FGF12: variants seen among roughly 807,000 people sequenced by gnomAD.
FGF12 encodes the protein fibroblast growth factor 12B.
FGF12 carries 14 observed loss-of-function variants against 23.6 expected under a neutral mutation model. That is an observed-to-expected ratio of 0.59 (90% CI 0.39 to 0.93). The LOEUF is 0.93. FGF12 is among the 40% of genes least tolerant of loss of function. The probability of loss-of-function intolerance (pLI) is 0.00; values close to 1 mark genes in which losing one functional copy is unlikely to be tolerated. For synonymous variants in FGF12, 62 were observed against 77.3 expected (o/e 0.80, Z 1.04); for missense variants, 175 against 217.8 (o/e 0.80, Z 1.24).
intron 2 of FGF12, among the ~76,000 whole-genome samples, chr3:192,435,448 C>T (rs1721987244): frequency 6.6e-6 from 1 of 152,186 alleles, no homozygotes; most frequent in Admixed American, 6.5e-5. Context: ...GGACTGCTCA[C>T]TGTGATAATC....
intron 2 of FGF12, among the ~76,000 whole-genome samples, chr3:192,678,671 G>A (rs560549847): frequency 7.9e-5 from 12 of 152,182 alleles, no homozygotes; most frequent in South Asian, 6.2e-4. Context: ...CAATTTCCCC[G>A]AAGCCCACCA....
At chr3:192,300,399 T>C (rs1417819637) in intron 4 of FGF12, among the ~76,000 whole-genome samples, 2 of 152,184 alleles carry the variant, frequency 1.3e-5, no homozygotes, top group Non-Finnish European at 2.9e-5. Context: ...AGATGGGACC[T>C]AATAGTTTAC....
intron 2 of FGF12, among the ~76,000 whole-genome samples, chr3:192,376,843 T>G (rs1275242253): frequency 6.6e-6 from 1 of 152,206 alleles, no homozygotes; most frequent in Non-Finnish European, 1.5e-5. Flanking sequence ...GCTTTACTCT[T>G]CTTTTTGATG....
intron 2 of FGF12, among the ~76,000 whole-genome samples, chr3:192,582,842 C>T (rs986566088): frequency 1.3e-5 from 2 of 152,164 alleles, no homozygotes; most frequent in African/African-American, 4.8e-5. Flanking sequence ...GAGCTCTCGG[C>T]AGGTACTCCC....
Position 192,408,822 on chromosome 3 carries a change from AATT to A in FGF12, c.14-48287_14-48285del. On this transcript the variant is annotated intron_variant, in intron 2 of 5. Transcript: ENST00000445105. The surrounding 1 kb of genome is among the most constrained non-coding windows in gnomAD (Gnocchi z 7.3). ...CACGAGAGAAGGAGAGGAAGGCAGC[AATT>A]TAACTCCCTGCGGCCCGCGGTTCTG... The A allele has an allele frequency of 2.0e-6, 2 of 985,624 alleles. No homozygotes were observed. Among genetic ancestry groups the A allele is most frequent in the Non-Finnish European group, 2.4e-6 (2 of 830,098 alleles). 61.1% of individuals were successfully genotyped at this position (985,624 alleles called of 1,614,324 possible).
rs1274308078 is a variant in FGF12 at position 192,319,505 on chromosome 3, G to A, written c.228+15856C>T. Among the ~76,000 whole-genome samples the A allele has an allele frequency of 3.9e-5, 6 of 152,092 alleles. No individual in the cohort carries two copies. The East Asian group carries it at 9.6e-4, about 24-fold the overall frequency. ...CCAGCTACTCAGGAGACTGAGGCAC[G>A]AGAAGAACTTGAACCTGGGAGGCGG... On this transcript the variant is annotated intron_variant, in intron 4 of 5. Transcript: ENST00000445105.
intron 4 of FGF12, among the ~76,000 whole-genome samples, chr3:192,330,151 G>A (rs75420054): frequency 2.6e-4 from 40 of 151,910 alleles, no homozygotes; most frequent in East Asian, 7.7e-4. Flanking sequence ...CCATACTACC[G>A]GAGACAATCT....
At chr3:192,396,719 G>A (rs962087314) in intron 2 of FGF12, among the ~76,000 whole-genome samples, 9 of 152,222 alleles carry the variant, frequency 5.9e-5, no homozygotes, top group East Asian at 1.9e-4. Context: ...GGCCTGGGAC[G>A]AAAGTCTTAA....
intron 2 of FGF12, among the ~76,000 whole-genome samples, chr3:192,627,851 CAT>C (rs1491324180): frequency 8.1e-6 from 1 of 123,356 alleles, no homozygotes; most frequent in African/African-American, 2.7e-5. Context: ...TGTGTGTGTG[CAT>C]GTGTGTGTGT....
At chr3:192,551,857 C>A (rs796676) in intron 2 of FGF12, among the ~76,000 whole-genome samples, 67,651 of 151,768 alleles carry the variant, frequency 0.45, 15,214 homozygotes, top group East Asian at 0.57. Context: ...AAAAATGTGA[C>A]CCATAGTCAA....
At chr3:192,651,794 G>A (rs1027941313) in intron 2 of FGF12, among the ~76,000 whole-genome samples, 2 of 152,156 alleles carry the variant, frequency 1.3e-5, no homozygotes, top group Non-Finnish European at 2.9e-5. Flanking sequence ...ACCGCTGAGA[G>A]TTAGGACCCT....
At chr3:192,310,476 C>T (rs1715875908) in intron 4 of FGF12, among the ~76,000 whole-genome samples, 1 of 152,028 alleles carries the variant, frequency 6.6e-6, no homozygotes, top group African/African-American at 2.4e-5. Flanking sequence ...TTGCAATTTG[C>T]AAATACTTAT....
rs75545541 is a variant in FGF12 at position 192,597,703 on chromosome 3, C to A, written c.13+129478G>T. Among the ~76,000 whole-genome samples, 973 of 152,338 alleles carry A rather than the reference C, an allele frequency of 6.4e-3. 13 individuals are homozygous for A. Among genetic ancestry groups the A allele is most frequent in the African/African-American group, 0.022 (926 of 41,576 alleles). ...AACTGGCCACTCTGCATTCCAGACA[C>A]AGGCAGATTTCATCTGCAAACAGTG... On this transcript the variant is annotated intron_variant, in intron 2 of 5. Coordinates refer to ENST00000445105, the MANE Select transcript of FGF12 (RefSeq NM_004113.6).
At chr3:192,485,769 A>G (rs1293649435) in intron 2 of FGF12, among the ~76,000 whole-genome samples, 1 of 152,194 alleles carries the variant, frequency 6.6e-6, no homozygotes, top group Non-Finnish European at 1.5e-5. Context: ...GATTCTCTGT[A>G]TAAGTATTAT....
intron 2 of FGF12, among the ~76,000 whole-genome samples, chr3:192,586,774 C>A (rs1274717675): frequency 6.6e-6 from 1 of 152,042 alleles, no homozygotes; most frequent in African/African-American, 2.4e-5. Flanking sequence ...CCATAGAGAT[C>A]CATTTGTTTA....
At chr3:192,521,557 T>C (rs1032793373) in intron 2 of FGF12, among the ~76,000 whole-genome samples, 1 of 152,180 alleles carries the variant, frequency 6.6e-6, no homozygotes, top group South Asian at 2.1e-4. Flanking sequence ...CAAAACTCAT[T>C]ACCAAAGGAG....
intron 2 of FGF12, among the ~76,000 whole-genome samples, chr3:192,640,601 A>C (rs982294058): frequency 2.0e-5 from 3 of 152,214 alleles, no homozygotes; most frequent in Non-Finnish European, 4.4e-5. Flanking sequence ...ATGGCCTGCC[A>C]GTGTCCACAC....
rs910464297 is a variant in FGF12, at chr3:192,376,654, G to A, written c.14-16116C>T. On this transcript the variant is annotated intron_variant, in intron 2 of 5. Transcript: ENST00000445105. ...TGGGATTACAGGCGTGAGCCACCGC[G>A]CCTGACCGCTATATAATCATTTTCT... 1.4e-4 allele frequency among the ~76,000 whole-genome samples: 22 copies of A among 152,262 alleles called. No individual in the cohort carries two copies. In the South Asian group the frequency reaches 1.7e-3, roughly 11 times the overall value.
At chr3:192,150,703 G>C (rs1201306042) in intron 5 of FGF12, among the ~76,000 whole-genome samples, 2 of 149,528 alleles carry the variant, frequency 1.3e-5, no homozygotes, top group Admixed American at 6.7e-5. Context: ...GTACCATGCT[G>C]TTTTGGTTAC....
Sources: allele counts gnomAD v4.1 joint callset (sites outside exome capture counted in the v4.1 genomes callset), GRCh38; gene constraint gnomAD v4.1.1; non-coding constraint Gnocchi (gnomAD v3.1); transcripts MANE v1.5; gene names NCBI Gene and HGNC (gene_info 2026-07-23, HGNC 2026-07-21).